SPRED2: variants seen among roughly 807,000 people sequenced by gnomAD.
The protein encoded by SPRED2 is sprouty related EVH1 domain containing 2, also known as sprouty-related, EVH1 domain-containing protein 2.
A neutral mutation model predicts 43.0 loss-of-function variants in SPRED2; 47 were observed. The ratio of observed to expected loss-of-function variants is 1.09; its 90% CI spans 0.87 to 1.40. The LOEUF is 1.40. Among genes scored for constraint, SPRED2 ranks in the 40% most tolerant of loss-of-function variants. The pLI, the probability that SPRED2 is intolerant of heterozygous loss-of-function variation, is 0.00. For synonymous variants in SPRED2, 225 were observed against 225.7 expected, an observed-to-expected ratio of 1.00 and a Z score of 0.03; for missense variants, 561 against 586.4, an observed-to-expected ratio of 0.96 and a Z score of 0.45.
intron 1 of SPRED2, among the ~76,000 whole-genome samples, chr2:65,430,526 T>C (rs887741667): frequency 6.6e-6 from 1 of 152,328 alleles, no homozygotes; most frequent in East Asian, 1.9e-4. Context: ...GGCACAGCAC[T>C]GTCACCTGCT....
At chr2:65,344,985 G>T in intron 1 of SPRED2, 89 bp from the exon 2 acceptor site, 1 of 1,314,796 alleles carries the variant, frequency 7.6e-7, no homozygotes. Context: ...CCACCAGCCA[G>T]CACTTTTTTT....
At chr2:65,377,885 T>C in intron 1 of SPRED2, 1 of 348,562 alleles carries the variant, frequency 2.9e-6, no homozygotes, top group Non-Finnish European at 5.7e-6. Context: ...CGGAGCTGAC[T>C]CATACTCTCT....
chr2:65,430,394 CAGGA>C (rs1046763832), intron 1 of SPRED2, among the ~76,000 whole-genome samples: 1 of 152,168 alleles, frequency 6.6e-6, no homozygotes, highest in African/African-American at 2.4e-5. Flanking sequence ...TGGGGACTCA[CAGGA>C]AGGAAACTGA....
chr2:65,321,029 TC>T (rs1673392818), intron 4 of SPRED2, among the ~76,000 whole-genome samples: 1 of 151,520 alleles, frequency 6.6e-6, no homozygotes, highest in African/African-American at 2.4e-5. Flanking sequence ...AAGTTGGCAA[TC>T]ACATGCTCCC....
intron 1 of SPRED2, among the ~76,000 whole-genome samples, chr2:65,406,203 A>G (rs1261624666): frequency 6.6e-6 from 1 of 152,238 alleles, no homozygotes; most frequent in Non-Finnish European, 1.5e-5. Flanking sequence ...AGAGCCACAA[A>G]GACCCTGCTG....
At chr2:65,357,281 C>T (rs1352210945) in intron 1 of SPRED2, among the ~76,000 whole-genome samples, 1 of 152,208 alleles carries the variant, frequency 6.6e-6, no homozygotes, top group East Asian at 1.9e-4. Flanking sequence ...CACCTGTTCT[C>T]CCTGAAGCAT....
chr2:65,431,582 G>A lies in SPRED2; in HGVS notation c.26+380C>T, dbSNP rs571406581. Among the ~76,000 whole-genome samples the A allele has an allele frequency of 2.5e-3, 375 of 152,350 alleles. 1 individual carries two copies. Among genetic ancestry groups the A allele is most frequent in the African/African-American group, 8.8e-3 (365 of 41,586 alleles). On this transcript the variant is annotated intron_variant, in intron 1 of 5. Transcript: ENST00000356388. The stretch of plus-strand genomic sequence containing the variant: ...GGGCGGCGGGAGTCACAAAGTCACT[G>A]TGCAAAAACCCACCAGCCCCGGGAA...
chr2:65,352,731 C>T (rs1674545944), intron 1 of SPRED2, among the ~76,000 whole-genome samples: 2 of 152,234 alleles, frequency 1.3e-5, no homozygotes, highest in Admixed American at 6.5e-5. Context: ...TTGAGCAATT[C>T]TCCTGCCTCA....
chr2:65,380,043 T>C (rs1045047002), intron 1 of SPRED2, among the ~76,000 whole-genome samples: 1 of 152,194 alleles, frequency 6.6e-6, no homozygotes, highest in African/African-American at 2.4e-5. Context: ...TCTAAAGTCC[T>C]TGCTGAGGAT....
At position 65,356,536 on chromosome 2, in the gene SPRED2, C is replaced by CTTTTTTTTT. The variant is rs1274369940; in HGVS notation, c.27-11649_27-11641dup. On this transcript the variant is annotated intron_variant, in intron 1 of 5. Coordinates refer to ENST00000356388, the MANE Select transcript of SPRED2 (RefSeq NM_181784.3). ...TTAGAGTGCAGTTCCCCAGTTCCCT[C>CTTTTTTTTT]TTTTTTTTTTTTTTTTTTTTTTGTG... Among the ~76,000 whole-genome samples, 399 of 60,360 alleles carry CTTTTTTTTT rather than the reference C, an allele frequency of 6.6e-3. 6 individuals carry two copies. Among genetic ancestry groups the CTTTTTTTTT allele is most frequent in the East Asian group, 0.049 (28 of 570 alleles). 39.6% of individuals were successfully genotyped at this position (60,360 alleles called of 152,430 possible).
intron 1 of SPRED2, among the ~76,000 whole-genome samples, chr2:65,417,175 C>T (rs756938670): frequency 2.0e-5 from 3 of 152,156 alleles, no homozygotes; most frequent in Non-Finnish European, 4.4e-5. Flanking sequence ...ACCACCTTGG[C>T]AGTTAACATC....
At chr2:65,394,950 G>A (rs768873273) in intron 1 of SPRED2, among the ~76,000 whole-genome samples, 7 of 152,236 alleles carry the variant, frequency 4.6e-5, no homozygotes, top group South Asian at 2.1e-4. Context: ...TTTTCTGACC[G>A]AGGAAAATAG....
intron 2 of SPRED2, among the ~76,000 whole-genome samples, chr2:65,339,738 A>G (rs1247876518): frequency 6.6e-6 from 1 of 152,020 alleles, no homozygotes; most frequent in Non-Finnish European, 1.5e-5. Flanking sequence ...AATCCTAAAA[A>G]AAAAAAAAAG....
At chr2:65,338,682 C>A (rs982844719) in intron 2 of SPRED2, among the ~76,000 whole-genome samples, 6 of 151,336 alleles carry the variant, frequency 4.0e-5, no homozygotes, top group African/African-American at 1.2e-4. Context: ...CCTTGGCCCC[C>A]CAAAGTGCGG....
chr2:65,399,816 G>C (rs1330434749), intron 1 of SPRED2, among the ~76,000 whole-genome samples: 1 of 152,116 alleles, frequency 6.6e-6, no homozygotes, highest in South Asian at 2.1e-4. Context: ...TTGGGGACTT[G>C]GGGGAAAGGG....
chr2:65,384,945 G>A (rs1280837060), intron 1 of SPRED2, among the ~76,000 whole-genome samples: 1 of 149,596 alleles, frequency 6.7e-6, no homozygotes, highest in East Asian at 2.0e-4. Flanking sequence ...TCTATGGTAT[G>A]TTCACTAGAA....
intron 4 of SPRED2, among the ~76,000 whole-genome samples, chr2:65,318,102 A>G (rs1282335617): frequency 6.6e-6 from 1 of 152,056 alleles, no homozygotes; most frequent in African/African-American, 2.4e-5. Flanking sequence ...TGTCCTCGGG[A>G]TAGTGAATAA....
intron 1 of SPRED2, among the ~76,000 whole-genome samples, chr2:65,429,917 C>G (rs537317154): frequency 2.6e-5 from 4 of 152,314 alleles, no homozygotes; most frequent in South Asian, 4.1e-4. Context: ...CGCTGGTGAT[C>G]CCACTCGAAA....
intron 1 of SPRED2, among the ~76,000 whole-genome samples, chr2:65,362,329 G>A (rs1354602230): frequency 6.6e-6 from 1 of 152,030 alleles, no homozygotes; most frequent in Non-Finnish European, 1.5e-5. Flanking sequence ...GAGTGCAGTG[G>A]CGCGATCTGG....
Sources: gnomAD v4.1 joint callset for allele counts (sites outside exome capture counted in the v4.1 genomes callset) on GRCh38, gnomAD v4.1.1 for gene constraint, MANE v1.5 for transcripts, NCBI Gene and HGNC (gene_info 2026-07-23, HGNC 2026-07-21) for gene names.